NXPE2: variants seen among roughly 807,000 people sequenced by gnomAD.
NXPE2 encodes the protein neurexophilin and PC-esterase domain family member 2, also known as NXPE family member 2.
In NXPE2, 34 loss-of-function variants were observed where a neutral mutation model predicts 34.4. That is an observed-to-expected ratio of 0.99 (90% confidence interval 0.75 to 1.31). NXPE2 has a LOEUF of 1.31. Among genes scored for constraint, NXPE2 ranks in the 40% most tolerant of loss-of-function variants. The pLI is 0.00. For synonymous variants in NXPE2, 235 were observed against 231.3 expected (o/e 1.02, Z -0.15); for missense variants, 649 against 672.5 (o/e 0.97, Z 0.39).
At chr11:114,631,248 C>T in the NXPE2 span, among the ~76,000 whole-genome samples, 28 of 151,852 alleles carry the variant, frequency 1.8e-4, no homozygotes, top group East Asian at 2.3e-3. Context: ...GCATTATTCA[C>T]AATAGCAAAG....
the NXPE2 span, among the ~76,000 whole-genome samples, chr11:114,559,200 A>G: frequency 6.6e-6 from 1 of 152,324 alleles, no homozygotes; most frequent in Non-Finnish European, 1.5e-5. Flanking sequence ...GGCTTTGTTT[A>G]TGACTCATCC....
At chr11:114,597,892 C>T in the NXPE2 span, among the ~76,000 whole-genome samples, 1 of 152,132 alleles carries the variant, frequency 6.6e-6, no homozygotes, top group Non-Finnish European at 1.5e-5. Flanking sequence ...TCATTGTTCT[C>T]ACATTTCAAA....
At chr11:114,761,936 A>G in the NXPE2 span, among the ~76,000 whole-genome samples, 6 of 152,196 alleles carry the variant, frequency 3.9e-5, no homozygotes, top group Non-Finnish European at 7.3e-5. Context: ...TTAAGTTTTT[A>G]CATGTGCTGA....
chr11:114,495,003 G>A, the NXPE2 span, among the ~76,000 whole-genome samples: 20 of 152,334 alleles, frequency 1.3e-4, no homozygotes, highest in African/African-American at 4.3e-4. Flanking sequence ...AGATCTGGGA[G>A]AATTCTCTGG....
intron 2 of NXPE2, among the ~76,000 whole-genome samples, chr11:114,685,847 T>C (rs971301374): frequency 2.0e-5 from 3 of 152,134 alleles, no homozygotes; most frequent in Non-Finnish European, 2.9e-5. Context: ...ATAATTCTAC[T>C]ACATAATATT....
At chr11:114,632,851 A>C in the NXPE2 span, among the ~76,000 whole-genome samples, 1 of 74,936 alleles carries the variant, frequency 1.3e-5, no homozygotes, top group Non-Finnish European at 2.2e-5. Context: ...ATAAAATTAT[A>C]TAATTATATA....
In NXPE2 at chr11:114,679,383, C is replaced by A. The variant is rs905493580; in HGVS notation, c.27-274C>A. On this transcript the variant is annotated intron_variant, in intron 1 of 5. Transcript: ENST00000389586. ...TAAAACCTTGTTGTCCATGCTGAGA[C>A]CTCGACAAGAAAACAGGTTCCAGTA... Among the ~76,000 whole-genome samples, 3 of 152,010 alleles carry A rather than the reference C, an allele frequency of 2.0e-5. No homozygotes were observed. The East Asian group carries it at 5.8e-4, about 30-fold the overall frequency.
the NXPE2 span, among the ~76,000 whole-genome samples, chr11:114,653,689 G>T: frequency 6.6e-6 from 1 of 151,782 alleles, no homozygotes; most frequent in Admixed American, 6.6e-5. Context: ...CACTATGCCT[G>T]GCTAATTTTT....
the NXPE2 span, among the ~76,000 whole-genome samples, chr11:114,479,850 T>A: frequency 6.6e-6 from 1 of 152,168 alleles, no homozygotes; most frequent in Non-Finnish European, 1.5e-5. Flanking sequence ...CTCACAGTTC[T>A]GCAGGCTGTA....
chr11:114,587,859 G>A, the NXPE2 span, among the ~76,000 whole-genome samples: 1 of 152,174 alleles, frequency 6.6e-6, no homozygotes, highest in Non-Finnish European at 1.5e-5. Context: ...AAGAAAAAGT[G>A]GCTCATTTTC....
the NXPE2 span, among the ~76,000 whole-genome samples, chr11:114,758,482 A>G: frequency 2.6e-5 from 4 of 152,320 alleles, no homozygotes; most frequent in Admixed American, 6.5e-5. Context: ...TCATTGAGAT[A>G]TGTTGATAGA....
chr11:114,497,675 A>G, the NXPE2 span, among the ~76,000 whole-genome samples: 2 of 152,236 alleles, frequency 1.3e-5, no homozygotes, highest in African/African-American at 4.8e-5. Context: ...TTGTACAACA[A>G]CAACATTGCT....
the NXPE2 span, among the ~76,000 whole-genome samples, chr11:114,667,997 C>T: frequency 6.6e-6 from 1 of 151,806 alleles, no homozygotes. Context: ...GTGACAAGCA[C>T]TATTTGTAAC....
At chr11:114,762,314 C>G in the NXPE2 span, among the ~76,000 whole-genome samples, 2 of 152,034 alleles carry the variant, frequency 1.3e-5, no homozygotes, top group Admixed American at 1.3e-4. Flanking sequence ...AGTGTGCATG[C>G]GCAGGTTAGA....
the NXPE2 span, among the ~76,000 whole-genome samples, chr11:114,478,766 C>T: frequency 1.3e-5 from 2 of 152,142 alleles, no homozygotes; most frequent in African/African-American, 2.4e-5. Context: ...TTTAACCAAC[C>T]CTGCTTTGGA....
At chr11:114,653,466 C>A in the NXPE2 span, among the ~76,000 whole-genome samples, 2 of 151,606 alleles carry the variant, frequency 1.3e-5, no homozygotes, top group Non-Finnish European at 2.9e-5. Context: ...AAATATTTAA[C>A]CCTTGGGTGC....
chr11:114,532,097 A>G, the NXPE2 span, among the ~76,000 whole-genome samples: 1 of 152,210 alleles, frequency 6.6e-6, no homozygotes, highest in Non-Finnish European at 1.5e-5. Context: ...GAACACATAT[A>G]AAGCTTTGAA....
chr11:114,706,835 T>C lies in NXPE2; in HGVS notation c.1585T>C (p.Trp529Arg), dbSNP rs1469193460. 3 of 1,552,062 alleles carry C rather than the reference T, an allele frequency of 1.9e-6. No homozygotes were observed. Among genetic ancestry groups the C allele is most frequent in the Non-Finnish European group, 2.6e-6 (3 of 1,146,844 alleles). ...VDLNVGIIDA[W>R]DMTIAYCTNN... ...TCTTAATGTGGGTATTATTGATGCC[T>C]GGGACATGACGATTGCATATTGCAC... Residue 529 changes from tryptophan (W) to arginine (R), a missense_variant, in exon 6 of 6, where the codon TGG becomes CGG. Coordinates refer to ENST00000389586, the MANE Select transcript of NXPE2 (RefSeq NM_182495.6).
chr11:114,606,329 ATAAG>A, the NXPE2 span, among the ~76,000 whole-genome samples: 1 of 151,544 alleles, frequency 6.6e-6, no homozygotes, highest in Non-Finnish European at 1.5e-5. Flanking sequence ...CCAGTGGATA[ATAAG>A]TGTTACCTTG....
Sources: allele counts gnomAD v4.1 joint callset (sites outside exome capture counted in the v4.1 genomes callset), GRCh38; gene constraint gnomAD v4.1.1; transcripts MANE v1.5; gene names NCBI Gene and HGNC (gene_info 2026-07-23, HGNC 2026-07-21).